NRG1: variants seen among roughly 807,000 people sequenced by gnomAD.
NRG1 encodes pro-neuregulin-1, membrane-bound isoform.
A neutral mutation model predicts 63.8 loss-of-function variants in NRG1; 18 were observed. That is an observed-to-expected ratio of 0.28 (90% CI 0.19 to 0.42). The LOEUF is 0.42. NRG1 is among the 10% of genes least tolerant of loss of function. NRG1 has a pLI of 1.00. For missense variants in NRG1, 762 were observed against 814.7 expected, an observed-to-expected ratio of 0.94 and a Z score of 0.79; for synonymous variants, 302 against 301.3, an observed-to-expected ratio of 1.00 and a Z score of -0.02.
At chr8:32,474,800 G>T (rs577263348) in intron 1 of NRG1, among the ~76,000 whole-genome samples, 1 of 151,986 alleles carries the variant, frequency 6.6e-6, no homozygotes. Context: ...CACTGTGCCC[G>T]GCCGATATTC....
At chr8:32,168,904 T>C (rs1839687059) in intron 1 of NRG1, among the ~76,000 whole-genome samples, 1 of 152,136 alleles carries the variant, frequency 6.6e-6, no homozygotes, top group Non-Finnish European at 1.5e-5. Flanking sequence ...ATAAATTCCA[T>C]CATGTCAGGG....
chr8:31,664,087 G>T (rs1563269394), intron 1 of NRG1, among the ~76,000 whole-genome samples: 2 of 152,012 alleles, frequency 1.3e-5, no homozygotes, highest in African/African-American at 2.4e-5. Context: ...TTTCTATGTT[G>T]TGTTCATTGG....
intron 1 of NRG1, among the ~76,000 whole-genome samples, chr8:31,846,777 G>C (rs1826729399): frequency 6.6e-6 from 1 of 152,030 alleles, no homozygotes; most frequent in Non-Finnish European, 1.5e-5. Context: ...TCTTTTAGTG[G>C]CGATTTCCTA....
At chr8:32,366,970 C>T (rs1201645371) in intron 1 of NRG1, among the ~76,000 whole-genome samples, 1 of 151,856 alleles carries the variant, frequency 6.6e-6, no homozygotes, top group Admixed American at 6.6e-5. Flanking sequence ...CCTTGGCCTC[C>T]CAAAGTGCTG....
At chr8:32,399,971 C>T (rs1048115580) in intron 1 of NRG1, among the ~76,000 whole-genome samples, 1 of 152,172 alleles carries the variant, frequency 6.6e-6, no homozygotes, top group Non-Finnish European at 1.5e-5. Flanking sequence ...TCCTTGCCTT[C>T]TCCCCATATC....
chr8:32,336,575 A>T (rs1803296137), intron 1 of NRG1, among the ~76,000 whole-genome samples: 1 of 152,188 alleles, frequency 6.6e-6, no homozygotes, highest in Non-Finnish European at 1.5e-5. Flanking sequence ...GTCAGTTTCG[A>T]CTGGTGCTTA....
intron 5 of NRG1, chr8:32,721,863 T>C: frequency 7.1e-7 from 1 of 1,405,440 alleles, no homozygotes; most frequent in East Asian, 2.8e-5. Flanking sequence ...CTCCAGAGCT[T>C]CATCTTCAGG....
intron 5 of NRG1, among the ~76,000 whole-genome samples, chr8:32,688,780 ATGTATATT>A (rs1810840624): frequency 6.6e-6 from 1 of 152,218 alleles, no homozygotes; most frequent in African/African-American, 2.4e-5. Context: ...ATAAAAATAA[ATGTATATT>A]TTCTTTACTG....
chr8:32,659,146 C>CTTTTTTT (rs11408766), intron 5 of NRG1, among the ~76,000 whole-genome samples: 1 of 136,032 alleles, frequency 7.4e-6, no homozygotes, highest in African/African-American at 2.7e-5. Context: ...CTTTTCTTTT[C>CTTTTTTT]TTTTTTTTTT....
chr8:31,748,121 A>G (rs557741488), intron 1 of NRG1, among the ~76,000 whole-genome samples: 2 of 152,102 alleles, frequency 1.3e-5, no homozygotes, highest in East Asian at 3.9e-4. Context: ...AAATTAAATG[A>G]TTTCCTACTA....
chr8:32,191,034 A>G (rs1172733712), intron 1 of NRG1, among the ~76,000 whole-genome samples: 1 of 152,088 alleles, frequency 6.6e-6, no homozygotes, highest in Non-Finnish European at 1.5e-5. Context: ...ATAGATGTTC[A>G]CTGTGCAAAC....
intron 1 of NRG1, among the ~76,000 whole-genome samples, chr8:32,465,799 T>C (rs1000556929): frequency 3.3e-5 from 5 of 152,196 alleles, no homozygotes; most frequent in Non-Finnish European, 5.9e-5. Context: ...ATACAGCATA[T>C]ATAGTTCTTT....
At chr8:32,018,462 T>G (rs1294684152) in intron 1 of NRG1, among the ~76,000 whole-genome samples, 1 of 152,248 alleles carries the variant, frequency 6.6e-6, no homozygotes, top group East Asian at 1.9e-4. Flanking sequence ...GTAATAGCTA[T>G]TGTATTTTCT....
chr8:32,160,576 G>C (rs957721320), intron 1 of NRG1, among the ~76,000 whole-genome samples: 1 of 152,178 alleles, frequency 6.6e-6, no homozygotes, highest in East Asian at 1.9e-4. Flanking sequence ...TCATGTTCAG[G>C]ACATGTGATG....
At chr8:32,021,670 C>T (rs774417893) in intron 1 of NRG1, among the ~76,000 whole-genome samples, 7 of 151,606 alleles carry the variant, frequency 4.6e-5, no homozygotes, top group Non-Finnish European at 7.4e-5. Context: ...AACTTTGAGA[C>T]ATAGCACAAC....
intron 1 of NRG1, among the ~76,000 whole-genome samples, chr8:32,212,997 A>G (rs1038266757): frequency 6.6e-6 from 1 of 152,210 alleles, no homozygotes; most frequent in African/African-American, 2.4e-5. Flanking sequence ...TTTTATCACC[A>G]GTTCCCCTAA....
intron 1 of NRG1, among the ~76,000 whole-genome samples, chr8:32,319,010 A>G (rs1197152133): frequency 6.6e-6 from 1 of 152,148 alleles, no homozygotes; most frequent in Non-Finnish European, 1.5e-5. Flanking sequence ...GTGCGATGTA[A>G]AAAAGGCTTG....
intron 5 of NRG1, among the ~76,000 whole-genome samples, chr8:32,682,163 A>G (rs975999637): frequency 6.6e-6 from 1 of 152,134 alleles, no homozygotes; most frequent in Non-Finnish European, 1.5e-5. Context: ...TTGTGTAATT[A>G]TTTTTTGTAG....
At chr8:32,373,412 T>C (rs1322779120) in intron 1 of NRG1, among the ~76,000 whole-genome samples, 1 of 152,224 alleles carries the variant, frequency 6.6e-6, no homozygotes, top group Non-Finnish European at 1.5e-5. Flanking sequence ...CTTATAAATG[T>C]ATCTTTAAAA....
Sources: allele counts gnomAD v4.1 joint callset (sites outside exome capture counted in the v4.1 genomes callset), GRCh38; gene constraint gnomAD v4.1.1; transcripts MANE v1.5; gene names NCBI Gene and HGNC (gene_info 2026-07-23, HGNC 2026-07-21).